CABP1: variants seen among roughly 807,000 people sequenced by gnomAD.
The protein encoded by CABP1 is calcium-binding protein 1.
A neutral mutation model predicts 34.3 loss-of-function variants in CABP1; 17 were observed. The ratio of observed to expected loss-of-function variants is 0.50; its 90% CI spans 0.34 to 0.74. CABP1 has a LOEUF of 0.74. CABP1 is among the 30% of genes least tolerant of loss of function. The pLI is 0.01. For missense variants in CABP1, 373 were observed against 511.1 expected (o/e 0.73, Z 2.61); for synonymous variants, 198 against 229.2 (o/e 0.86, Z 1.23).
chr12:120,641,464 T>A lies in CABP1; in HGVS notation c.654+125T>A. 9.3e-7 allele frequency: 1 copy of A among 1,072,444 alleles called. No individual in the cohort carries two copies. The highest frequency in any genetic ancestry group is 1.2e-6 in the Non-Finnish European group (1 of 843,540). The allele number at this position is 1,072,444 out of a possible 1,614,324, so 66.4% of individuals were successfully genotyped here. A position where few individuals can be genotyped will look rare whatever the true frequency, so the allele number is the denominator to read the frequency against. On this transcript the variant is annotated intron_variant, in intron 1 of 5. Transcript: ENST00000316803. This position sits in a 1 kb window ranked among gnomAD's most constrained non-coding sequence, Gnocchi z 6.7. The stretch of plus-strand genomic sequence containing the variant: ...CCCACGGATCACGCCTCGGCTCACC[T>A]CGTCCTCCCCGGGCCGGCGCCCTTG...
intron 1 of CABP1, among the ~76,000 whole-genome samples, chr12:120,643,260 C>T (rs1172144106): frequency 6.6e-6 from 1 of 152,160 alleles, no homozygotes; most frequent in African/African-American, 2.4e-5. Flanking sequence ...TAAAGCCCAG[C>T]ACATTCAGTT....
At chr12:120,669,363 G>A (rs142172467), downstream of CABP1, among the ~76,000 whole-genome samples, 11 of 152,312 alleles carry the variant, frequency 7.2e-5, no homozygotes, top group Admixed American at 2.0e-4. Flanking sequence ...GCTTGGCTCC[G>A]CCCAGAGACT....
intron 1 of CABP1, among the ~76,000 whole-genome samples, chr12:120,658,509 C>T (rs549122896): frequency 1.3e-4 from 20 of 152,272 alleles, no homozygotes; most frequent in African/African-American, 4.6e-4. Context: ...CCTGCTCCCT[C>T]CAAGCTCACA....
rs934478155 is a variant in CABP1, at chr12:120,660,638, G to A, written c.830-93G>A. 5.7e-6 allele frequency: 5 copies of A among 878,262 alleles called. No homozygotes were observed. The African/African-American group carries it at 6.6e-5, about 12-fold the overall frequency. The allele number at this position is 878,262 out of a possible 1,614,324, so 54.4% of individuals were successfully genotyped here. ...TAAGTTTGTCTCTATCTGATGAGCAGGTCAAGGAGGGGTTGTCCATTCTGT... is the reference window on the plus strand; with the variant it reads ...TAAGTTTGTCTCTATCTGATGAGCAAGTCAAGGAGGGGTTGTCCATTCTGT... On this transcript the variant is annotated intron_variant, in intron 3 of 5. Transcript: ENST00000316803. The surrounding 1 kb of genome is among the most constrained non-coding windows in gnomAD (Gnocchi z 5.0).
At chr12:120,650,679 G>A in intron 1 of CABP1, 14 of 1,614,092 alleles carry the variant, frequency 8.7e-6, no homozygotes, top group Non-Finnish European at 1.1e-5. Flanking sequence ...ATCTCTCAAG[G>A]AAGGTATGTT....
chr12:120,675,158 T>C, the CABP1 span, among the ~76,000 whole-genome samples: 5 of 152,110 alleles, frequency 3.3e-5, no homozygotes, highest in Non-Finnish European at 5.9e-5. Context: ...GTTCAAGTGA[T>C]TCTCCCACCT....
chr12:120,645,060 C>A (rs1366331459), intron 1 of CABP1, among the ~76,000 whole-genome samples: 1 of 152,210 alleles, frequency 6.6e-6, no homozygotes, highest in Admixed American at 6.5e-5. Context: ...CCGCCTCAAC[C>A]TCCCAAAGTG....
intron 1 of CABP1, among the ~76,000 whole-genome samples, chr12:120,654,030 C>T (rs1880011704): frequency 6.6e-6 from 1 of 152,232 alleles, no homozygotes; most frequent in African/African-American, 2.4e-5. Flanking sequence ...GGGAAGGTCT[C>T]TCTTGTTCTG....
chr12:120,656,137 C>T (rs201055119), intron 1 of CABP1: 45 of 1,613,976 alleles, frequency 2.8e-5, no homozygotes, highest in South Asian at 1.1e-4. Context: ...TGCAGACGAG[C>T]GAGGAGGGGC....
chr12:120,665,729 A>AG (rs570487289), intron 5 of CABP1, among the ~76,000 whole-genome samples: 3 of 152,088 alleles, frequency 2.0e-5, no homozygotes, highest in African/African-American at 7.2e-5. Context: ...CCTTAAAAAA[A>AG]GAGAGAGAGA....
intron 1 of CABP1, among the ~76,000 whole-genome samples, chr12:120,651,095 T>G (rs1360351093): frequency 6.6e-6 from 1 of 152,178 alleles, no homozygotes; most frequent in East Asian, 1.9e-4. Flanking sequence ...TCATATCCTT[T>G]GAGGGTCTGT....
At chr12:120,657,932 A>G (rs1880345192) in intron 1 of CABP1, among the ~76,000 whole-genome samples, 1 of 152,140 alleles carries the variant, frequency 6.6e-6, no homozygotes, top group Non-Finnish European at 1.5e-5. Flanking sequence ...CTCTGCATGT[A>G]TGTGTACACA....
At chr12:120,654,906 G>A (rs1391372779) in intron 1 of CABP1, among the ~76,000 whole-genome samples, 4 of 152,242 alleles carry the variant, frequency 2.6e-5, no homozygotes. Context: ...AAGCAGAGAA[G>A]GGCCCTGCCT....
chr12:120,668,800 A>G (rs898381195), downstream of CABP1, among the ~76,000 whole-genome samples: 2 of 152,230 alleles, frequency 1.3e-5, no homozygotes, highest in African/African-American at 4.8e-5. Flanking sequence ...AGTCTTAGAC[A>G]GGCTTGGAGC....
At chr12:120,656,291 TG>T in intron 1 of CABP1, 1 of 1,524,298 alleles carries the variant, frequency 6.6e-7, no homozygotes, top group Non-Finnish European at 8.8e-7. Context: ...GTTGGCCCAG[TG>T]GAGCCCGCTG....
chr12:120,669,712 C>T (rs1207207312), downstream of CABP1, among the ~76,000 whole-genome samples: 1 of 151,916 alleles, frequency 6.6e-6, no homozygotes, highest in Non-Finnish European at 1.5e-5. Flanking sequence ...CGAGATCACG[C>T]CACTTCACCC....
At chr12:120,652,672 G>T (rs1158840291) in intron 1 of CABP1, among the ~76,000 whole-genome samples, 2 of 152,190 alleles carry the variant, frequency 1.3e-5, no homozygotes, top group East Asian at 3.9e-4. Flanking sequence ...CCAAATTCCC[G>T]CTCAGCGCAT....
chr12:120,659,142 C>A (rs1472087388), intron 1 of CABP1: 5 of 152,238 alleles, frequency 3.3e-5, no homozygotes. Flanking sequence ...CAGCCAGAAG[C>A]ACTGGTGGCC....
Position 120,641,679 on chromosome 12 carries a change from C to T in CABP1, c.654+340C>T, listed in dbSNP as rs574857763. 63 of 226,378 alleles carry T rather than the reference C, an allele frequency of 2.8e-4. No homozygotes were observed. Among genetic ancestry groups the T allele is most frequent in the Non-Finnish European group, 5.0e-4 (58 of 116,406 alleles). The allele number at this position is 226,378 out of a possible 1,614,324, so 14.0% of individuals were successfully genotyped here. On this transcript the variant is annotated intron_variant, in intron 1 of 5. Transcript: ENST00000316803. The surrounding 1 kb of genome is among the most constrained non-coding windows in gnomAD (Gnocchi z 6.7). ...AAGGAGGGGCGCTCCGAGCAGGTGG[C>T]GCCAAACCCACTCCTCTGGCCTCTG...
Sources: allele counts gnomAD v4.1 joint callset (sites outside exome capture counted in the v4.1 genomes callset), GRCh38; gene constraint gnomAD v4.1.1; non-coding constraint Gnocchi (gnomAD v3.1); transcripts MANE v1.5; gene names NCBI Gene and HGNC (gene_info 2026-07-23, HGNC 2026-07-21).